ADAM29: variants seen among roughly 807,000 people sequenced by gnomAD.
ADAM29 encodes the protein disintegrin and metalloproteinase domain-containing protein 29.
For synonymous variants in ADAM29, 367 were observed against 342.3 expected (o/e 1.07, Z -0.80); for missense variants, 969 against 1,001.8 (o/e 0.97, Z 0.44).
intron 4 of ADAM29, among the ~76,000 whole-genome samples, chr4:174,949,529 C>T (rs899202005): frequency 6.6e-6 from 1 of 152,096 alleles, no homozygotes; most frequent in African/African-American, 2.4e-5. Flanking sequence ...CACTGGGGGC[C>T]AGGAATGAGT....
intron 4 of ADAM29, among the ~76,000 whole-genome samples, chr4:174,952,634 A>C (rs1275307056): frequency 6.6e-6 from 1 of 152,178 alleles, no homozygotes; most frequent in African/African-American, 2.4e-5. Context: ...TGAGAGAGAA[A>C]AAAAGTGGGA....
chr4:174,957,250 A>G (rs1745558864), intron 4 of ADAM29, among the ~76,000 whole-genome samples: 1 of 151,842 alleles, frequency 6.6e-6, no homozygotes, highest in Non-Finnish European at 1.5e-5. Context: ...ATATAGGTTA[A>G]TCAACATTTA....
At position 174,928,569 on chromosome 4, in the gene ADAM29, T is replaced by TTAAA. The variant is rs761103217; in HGVS notation, c.-450-2417_-450-2416insTAAA. 2.1e-4 allele frequency among the ~76,000 whole-genome samples: 28 copies of TTAAA among 131,832 alleles called. 2 individuals are homozygous for TTAAA. Among genetic ancestry groups the TTAAA allele is most frequent in the African/African-American group, 3.0e-4 (11 of 36,368 alleles). The allele number at this position is 131,832 out of a possible 152,430, so 86.5% of individuals were successfully genotyped here. A position where few individuals can be genotyped will look rare whatever the true frequency, so the allele number is the denominator to read the frequency against. ...CTCTACAAATTCCCTGTCATGTGCTTAAAAAAAAAAAAGACACCAGCCAGA... is the reference window on the plus strand; with the variant it reads ...CTCTACAAATTCCCTGTCATGTGCTTTAAAAAAAAAAAAAAAGACACCAGCCAGA... On this transcript the variant is annotated intron_variant, in intron 2 of 4. Transcript: ENST00000359240.
rs967949358 is a variant in ADAM29, at chr4:174,931,007, C to T, written c.-429C>T. 32 of 142,102 alleles carry T rather than the reference C, an allele frequency of 2.3e-4. No individual in the cohort carries two copies. The highest frequency in any genetic ancestry group is 4.9e-4 in the Non-Finnish European group (31 of 63,822). The allele number at this position is 142,102 out of a possible 1,614,324, so 8.8% of individuals were successfully genotyped here. ...TCAGGTTAGAGTACAAAACATTCTC[C>T]CTGCAGTCTCACGAACTGTGAACAA... On this transcript the variant is annotated 5_prime_UTR_variant, in exon 3 of 5. Coordinates refer to ENST00000359240, the MANE Select transcript of ADAM29 (RefSeq NM_014269.4).
intron 3 of ADAM29, among the ~76,000 whole-genome samples, chr4:174,933,891 G>T (rs1218674705): frequency 6.6e-6 from 1 of 152,124 alleles, no homozygotes; most frequent in Admixed American, 6.6e-5. Flanking sequence ...TGGCATTTAG[G>T]TTAATTCTGT....
At chr4:174,923,269 C>A (rs1274000316) in intron 2 of ADAM29, among the ~76,000 whole-genome samples, 1 of 151,696 alleles carries the variant, frequency 6.6e-6, no homozygotes, top group Non-Finnish European at 1.5e-5. Flanking sequence ...GTTGGCCAGG[C>A]TGATCTCCAA....
chr4:174,955,000 T>C (rs546689199), intron 4 of ADAM29, among the ~76,000 whole-genome samples: 16 of 152,268 alleles, frequency 1.1e-4, no homozygotes, highest in African/African-American at 3.8e-4. Context: ...TGTTTTAGAT[T>C]TATATCATAA....
chr4:174,965,481 T>TTTC (rs1746094019), intron 4 of ADAM29, among the ~76,000 whole-genome samples: 11 of 130,060 alleles, frequency 8.5e-5, no homozygotes, highest in Non-Finnish European at 1.3e-4. Context: ...AAGCTCTATC[T>TTTC]ATCATCTATC....
chr4:174,948,927 C>A (rs572981567), intron 4 of ADAM29, among the ~76,000 whole-genome samples: 2 of 152,052 alleles, frequency 1.3e-5, no homozygotes, highest in South Asian at 4.1e-4. Context: ...TGAGCTTGTG[C>A]TGGCAAAGTG....
intron 4 of ADAM29, among the ~76,000 whole-genome samples, chr4:174,972,633 A>AT (rs767238923): frequency 6.6e-6 from 1 of 151,984 alleles, no homozygotes; most frequent in Non-Finnish European, 1.5e-5. Context: ...CACTTGGGAT[A>AT]TTTTTTCTGC....
chr4:174,933,693 C>T (rs771217730), intron 3 of ADAM29, among the ~76,000 whole-genome samples: 1 of 152,132 alleles, frequency 6.6e-6, no homozygotes, highest in African/African-American at 2.4e-5. Flanking sequence ...TGTTCTCATC[C>T]TTAAGCTCCA....
intron 4 of ADAM29, among the ~76,000 whole-genome samples, chr4:174,942,301 T>G (rs1744584386): frequency 6.6e-6 from 1 of 152,200 alleles, no homozygotes; most frequent in Non-Finnish European, 1.5e-5. Context: ...GAACTCTTTG[T>G]GGGGGCTCCA....
At chr4:174,928,887 T>C (rs1743682316) in intron 2 of ADAM29, among the ~76,000 whole-genome samples, 1 of 152,200 alleles carries the variant, frequency 6.6e-6, no homozygotes, top group Non-Finnish European at 1.5e-5. Flanking sequence ...TCCTAGTCTG[T>C]AAAACTTGCA....
chr4:174,963,328 A>G (rs1467640312), intron 4 of ADAM29, among the ~76,000 whole-genome samples: 1 of 152,206 alleles, frequency 6.6e-6, no homozygotes, highest in Non-Finnish European at 1.5e-5. Flanking sequence ...TGTAATTTTT[A>G]TGATATCAGA....
chr4:174,921,548 C>T (rs1315827355), intron 2 of ADAM29, among the ~76,000 whole-genome samples: 1 of 152,188 alleles, frequency 6.6e-6, no homozygotes, highest in East Asian at 1.9e-4. Context: ...CAAAAGCCTA[C>T]TGCCTATTAT....
chr4:174,957,707 T>C (rs975033581), intron 4 of ADAM29, among the ~76,000 whole-genome samples: 1 of 151,796 alleles, frequency 6.6e-6, no homozygotes, highest in Non-Finnish European at 1.5e-5. Context: ...ACTTATTTTC[T>C]TACACTCCTT....
chr4:174,925,873 T>C (rs1339893841), intron 2 of ADAM29, among the ~76,000 whole-genome samples: 2 of 152,208 alleles, frequency 1.3e-5, no homozygotes, highest in Non-Finnish European at 2.9e-5. Flanking sequence ...TTTTCCTTGC[T>C]TGCTGAAAGA....
At chr4:174,956,175 G>A (rs1480817329) in intron 4 of ADAM29, among the ~76,000 whole-genome samples, 2 of 151,838 alleles carry the variant, frequency 1.3e-5, no homozygotes, top group Non-Finnish European at 2.9e-5. Context: ...CCTCCTCATC[G>A]ATATTTGGTA....
At chr4:174,928,629 G>A (rs1004497602) in intron 2 of ADAM29, among the ~76,000 whole-genome samples, 3 of 150,434 alleles carry the variant, frequency 2.0e-5, no homozygotes, top group Admixed American at 1.3e-4. Context: ...AGGGAGGCAA[G>A]ACTATTGCAA....
Sources: allele counts gnomAD v4.1 joint callset (sites outside exome capture counted in the v4.1 genomes callset), GRCh38; gene constraint gnomAD v4.1.1; transcripts MANE v1.5; gene names NCBI Gene and HGNC (gene_info 2026-07-23, HGNC 2026-07-21).